Variants in SEMA3E observed in about 807,000 individuals in gnomAD.
SEMA3E encodes the protein semaphorin 3E.
In SEMA3E, 49 loss-of-function variants were observed where a neutral mutation model predicts 93.6. The ratio of observed to expected loss-of-function variants is 0.52; its 90% CI spans 0.42 to 0.66. The LOEUF (loss-of-function observed/expected upper bound fraction) is 0.66. Ranked by LOEUF, SEMA3E falls within the 30% of genes least tolerant of loss-of-function variation. The probability of loss-of-function intolerance (pLI) is 0.00; values close to 1 mark genes in which losing one functional copy is unlikely to be tolerated. For missense variants in SEMA3E, 906 were observed against 964.8 expected, an observed-to-expected ratio of 0.94 and a Z score of 0.81; for synonymous variants, 363 against 330.7, an observed-to-expected ratio of 1.10 and a Z score of -1.06.
At chr7:83,522,767 C>T (rs1791075602) in intron 1 of SEMA3E, among the ~76,000 whole-genome samples, 2 of 152,220 alleles carry the variant, frequency 1.3e-5, no homozygotes, top group Admixed American at 1.3e-4. Flanking sequence ...TTCTAGCTGT[C>T]TTTCTGTTCC....
At chr7:83,454,278 T>G (rs201965385) in intron 4 of SEMA3E, among the ~76,000 whole-genome samples, 1 of 102,690 alleles carries the variant, frequency 9.7e-6, no homozygotes. Flanking sequence ...AAAAAATATA[T>G]ATATATATAT....
intron 1 of SEMA3E, among the ~76,000 whole-genome samples, chr7:83,508,503 C>A (rs771760660): frequency 6.6e-6 from 1 of 152,100 alleles, no homozygotes; most frequent in South Asian, 2.1e-4. Context: ...CTCAGGTGAT[C>A]TGCCCACCTC....
rs1171747341 is a variant in SEMA3E, at chr7:83,476,466, G to A, written c.277-7164C>T. 3.9e-5 allele frequency among the ~76,000 whole-genome samples: 6 copies of A among 152,268 alleles called. No individual in the cohort carries two copies. In the South Asian group the frequency reaches 6.2e-4, roughly 16 times the overall value. ...AAGTATGAACACTCTCTACAGTAAA[G>A]TTCAACACATGGGGACCCTCCAAAG... On this transcript the variant is annotated intron_variant, in intron 2 of 16. Coordinates refer to ENST00000643230, the MANE Select transcript of SEMA3E (RefSeq NM_012431.3).
intron 1 of SEMA3E, among the ~76,000 whole-genome samples, chr7:83,636,952 C>T (rs181916126): frequency 1.8e-4 from 27 of 152,052 alleles, no homozygotes; most frequent in East Asian, 5.8e-4. Context: ...TACTTTATTA[C>T]GACCTGTCTC....
At chr7:83,411,708 G>A (rs1788442229) in intron 5 of SEMA3E, among the ~76,000 whole-genome samples, 4 of 151,894 alleles carry the variant, frequency 2.6e-5, no homozygotes, top group Non-Finnish European at 1.5e-5. Flanking sequence ...TAACTATTTG[G>A]TATCAGAAAA....
chr7:83,638,824 A>G (rs1269536960), intron 1 of SEMA3E, among the ~76,000 whole-genome samples: 1 of 152,072 alleles, frequency 6.6e-6, no homozygotes, highest in East Asian at 1.9e-4. Flanking sequence ...TAAAACAGAG[A>G]TTCCTGGCCG....
intron 1 of SEMA3E, among the ~76,000 whole-genome samples, chr7:83,587,561 A>G (rs542413886): frequency 6.6e-6 from 1 of 152,144 alleles, no homozygotes; most frequent in Non-Finnish European, 1.5e-5. Context: ...AATAACTTGC[A>G]TTAGACAAGG....
intron 1 of SEMA3E, among the ~76,000 whole-genome samples, chr7:83,493,098 T>C (rs1046328576): frequency 2.0e-5 from 3 of 151,964 alleles, no homozygotes; most frequent in Admixed American, 1.3e-4. Flanking sequence ...TTTGACTAAA[T>C]TGCATTTTTA....
At chr7:83,420,313 A>G in intron 4 of SEMA3E, among the ~76,000 whole-genome samples, 1 of 152,098 alleles carries the variant, frequency 6.6e-6, no homozygotes, top group East Asian at 1.9e-4. Flanking sequence ...GATGATACAA[A>G]CAAATGGAAA....
intron 1 of SEMA3E, among the ~76,000 whole-genome samples, chr7:83,582,155 T>C (rs1300106417): frequency 4.6e-5 from 7 of 151,230 alleles, no homozygotes; most frequent in Non-Finnish European, 7.4e-5. Context: ...TATAATAAAC[T>C]AGTAATTTTA....
intron 4 of SEMA3E, among the ~76,000 whole-genome samples, chr7:83,465,350 CTGTT>C (rs1377543058): frequency 6.6e-6 from 1 of 152,166 alleles, no homozygotes; most frequent in Non-Finnish European, 1.5e-5. Context: ...CACACAAAGC[CTGTT>C]TGGTGGTCTC....
chr7:83,447,898 C>T (rs2115808215), intron 4 of SEMA3E, among the ~76,000 whole-genome samples: 1 of 152,268 alleles, frequency 6.6e-6, no homozygotes, highest in East Asian at 1.9e-4. Flanking sequence ...AATGTTAACA[C>T]AGTGAGTCCT....
chr7:83,452,605 G>C (rs1276224091), intron 4 of SEMA3E, among the ~76,000 whole-genome samples: 3 of 152,164 alleles, frequency 2.0e-5, no homozygotes, highest in Non-Finnish European at 2.9e-5. Flanking sequence ...AGTGACATTT[G>C]TCAAGAAGTC....
intron 16 of SEMA3E, 127 bp downstream of exon 16, chr7:83,385,167 A>G: frequency 2.3e-6 from 2 of 874,628 alleles, no homozygotes; most frequent in Non-Finnish European, 3.5e-6. Context: ...AATAAAACTG[A>G]CTTATTAAAT....
chr7:83,600,386 C>T (rs1206819647), intron 1 of SEMA3E, among the ~76,000 whole-genome samples: 1 of 149,864 alleles, frequency 6.7e-6, no homozygotes, highest in African/African-American at 2.5e-5. Context: ...ATGGTGCTAT[C>T]TCGGCTCACT....
chr7:83,512,468 A>C (rs1790844870), intron 1 of SEMA3E, among the ~76,000 whole-genome samples: 1 of 152,238 alleles, frequency 6.6e-6, no homozygotes, highest in African/African-American at 2.4e-5. Context: ...GTGTGCATAC[A>C]TGCTGAGTAA....
chr7:83,461,235 T>G (rs1374580784), intron 4 of SEMA3E, among the ~76,000 whole-genome samples: 1 of 152,214 alleles, frequency 6.6e-6, no homozygotes, highest in South Asian at 2.1e-4. Flanking sequence ...GTCCCAAATC[T>G]TCCTTCTTTC....
chr7:83,437,474 T>A (rs947012008), intron 4 of SEMA3E, among the ~76,000 whole-genome samples: 2 of 152,040 alleles, frequency 1.3e-5, no homozygotes, highest in Non-Finnish European at 2.9e-5. Flanking sequence ...AAAAAAATCC[T>A]ACATGAATAA....
chr7:83,577,832 T>C (rs776501124), intron 1 of SEMA3E, among the ~76,000 whole-genome samples: 5 of 152,082 alleles, frequency 3.3e-5, no homozygotes, highest in Non-Finnish European at 7.4e-5. Context: ...TAATTTAATA[T>C]ATTATTTTTC....
Sources: gnomAD v4.1 joint callset for allele counts (sites outside exome capture counted in the v4.1 genomes callset) on GRCh38, gnomAD v4.1.1 for gene constraint, MANE v1.5 for transcripts, NCBI Gene and HGNC (gene_info 2026-07-23, HGNC 2026-07-21) for gene names.